Variants in CACNA1B observed in about 807,000 individuals in gnomAD.
CACNA1B encodes calcium voltage-gated channel subunit alpha1 B.
In CACNA1B, 70 loss-of-function variants were observed where a neutral mutation model predicts 247.2. That is an observed-to-expected ratio of 0.28 (90% CI 0.23 to 0.35). The LOEUF (loss-of-function observed/expected upper bound fraction) is 0.35, where lower values mean the gene tolerates loss of function less well. Ranked by LOEUF, CACNA1B falls within the 10% of genes least tolerant of loss-of-function variation. The probability of loss-of-function intolerance (pLI) is 1.00; values close to 1 mark genes in which losing one functional copy is unlikely to be tolerated. For missense variants in CACNA1B, 2,367 were observed against 3,197.4 expected, an observed-to-expected ratio of 0.74 and a Z score of 6.26; for synonymous variants, 1,231 against 1,294.4, an observed-to-expected ratio of 0.95 and a Z score of 1.05.
rs1960168535 is a variant in CACNA1B at position 138,072,558 on chromosome 9, G to T, written c.4675-930G>T. Among the ~76,000 whole-genome samples, 1 of 152,254 alleles carries T rather than the reference G, an allele frequency of 6.6e-6. No individual in the cohort carries two copies. Among genetic ancestry groups the T allele is most frequent in the African/African-American group, 2.4e-5 (1 of 41,474 alleles). On this transcript the variant is annotated intron_variant, in intron 32 of 46. Transcript: ENST00000371372. The surrounding 1 kb of genome is among the most constrained non-coding windows in gnomAD (Gnocchi z 4.5). ...TTGCATATTTTAAAATGCTGCAGTG[G>T]CAGGAAGCTGCTCTCAGGCTGTGTG... is the stretch of plus-strand genomic sequence containing the variant.
rs541343383 is a variant in CACNA1B, at chr9:138,062,072, G to A, written c.4668+2335G>A. The stretch of plus-strand genomic sequence containing the variant: ...GTGAGCATTGGTTTGCAAAACAAAG[G>A]CCTGTACCCCATGCCTGTTCCCAAG... On this transcript the variant is annotated intron_variant, in intron 31 of 46. Transcript: ENST00000371372. 1.1e-4 allele frequency among the ~76,000 whole-genome samples: 16 copies of A among 152,262 alleles called. No individual in the cohort carries two copies. The South Asian group carries it at 3.1e-3, about 30-fold the overall frequency.
intron 3 of CACNA1B, among the ~76,000 whole-genome samples, chr9:137,910,054 A>C (rs1474100929): frequency 6.6e-6 from 1 of 152,124 alleles, no homozygotes; most frequent in African/African-American, 2.4e-5. Flanking sequence ...TACAGGTGTG[A>C]GCCACCGCGC....
At chr9:138,044,308 C>T (rs1589090592) in intron 21 of CACNA1B, among the ~76,000 whole-genome samples, 1 of 152,224 alleles carries the variant, frequency 6.6e-6, no homozygotes, top group Non-Finnish European at 1.5e-5. Context: ...GCTTTTCATG[C>T]ATTCATCATC....
chr9:138,058,797 C>G lies in CACNA1B; in HGVS notation c.4473+64C>G. 1 of 1,440,830 alleles carries G rather than the reference C, an allele frequency of 6.9e-7. No individual in the cohort carries two copies. Among genetic ancestry groups the G allele is most frequent in the South Asian group, 1.2e-5 (1 of 80,996 alleles). 89.3% of individuals were successfully genotyped at this position (1,440,830 alleles called of 1,614,324 possible). A position where few individuals can be genotyped will look rare whatever the true frequency, so the allele number is the denominator to read the frequency against. ...TAGGGATTGGGATCTAACCCTGAGG[C>G]TGAGTGGAGAGTCAGCCTTCTTCCT... On this transcript the variant is annotated intron_variant, in intron 29 of 46. Coordinates refer to ENST00000371372, the MANE Select transcript of CACNA1B (RefSeq NM_000718.4). This position sits in a 1 kb window ranked among gnomAD's most constrained non-coding sequence, Gnocchi z 4.7.
At chr9:137,949,070 G>C (rs1349028975) in intron 6 of CACNA1B, among the ~76,000 whole-genome samples, 2 of 81,940 alleles carry the variant, frequency 2.4e-5, no homozygotes, top group Non-Finnish European at 5.2e-5. Flanking sequence ...TATGTGTGTA[G>C]TGTGTGTGGT....
chr9:138,101,856 C>T (rs1354168744), intron 37 of CACNA1B, among the ~76,000 whole-genome samples: 1 of 152,254 alleles, frequency 6.6e-6, no homozygotes, highest in Non-Finnish European at 1.5e-5. Flanking sequence ...CCCAAGCCCA[C>T]AGGCAGGTGT....
intron 22 of CACNA1B, among the ~76,000 whole-genome samples, 161 bp from the exon 23 acceptor site, chr9:138,047,238 C>T (rs1019238544): frequency 2.0e-5 from 3 of 152,202 alleles, no homozygotes; most frequent in Admixed American, 6.5e-5. Context: ...TGTTCCCAGA[C>T]GGTGCTTGTC....
chr9:137,884,600 A>G (rs557352217), intron 3 of CACNA1B, among the ~76,000 whole-genome samples: 1 of 148,872 alleles, frequency 6.7e-6, no homozygotes, highest in African/African-American at 2.5e-5. Context: ...GGAGGTCCCT[A>G]GAGCCTCACT....
Position 137,919,621 on chromosome 9 carries a change from G to A in CACNA1B, c.966+2190G>A, listed in dbSNP as rs1445331167. On this transcript the variant is annotated intron_variant, in intron 6 of 46. Coordinates refer to ENST00000371372, the MANE Select transcript of CACNA1B (RefSeq NM_000718.4). The surrounding 1 kb of genome is among the most constrained non-coding windows in gnomAD (Gnocchi z 4.6). ...CCCCTCACCTCCAACCCAGTGAGAGGGACTTTTGTGGCCCCTCGGATATAC... is the reference window on the plus strand; with the variant it reads ...CCCCTCACCTCCAACCCAGTGAGAGAGACTTTTGTGGCCCCTCGGATATAC... Among the ~76,000 whole-genome samples the A allele has an allele frequency of 1.3e-5, 2 of 152,238 alleles. No individual in the cohort carries two copies. Among genetic ancestry groups the A allele is most frequent in the Non-Finnish European group, 2.9e-5 (2 of 68,042 alleles).
chr9:138,079,320 A>G (rs1303067478), intron 36 of CACNA1B, among the ~76,000 whole-genome samples: 5 of 152,192 alleles, frequency 3.3e-5, no homozygotes, highest in Admixed American at 2.6e-4. Context: ...GGAGGCAGAA[A>G]GGAGCACTAG....
chr9:137,925,845 C>T (rs1419839979), intron 6 of CACNA1B, among the ~76,000 whole-genome samples: 1 of 150,788 alleles, frequency 6.6e-6, no homozygotes, highest in Non-Finnish European at 1.5e-5. Context: ...CAGGTTCATG[C>T]CATTCTCCTA....
At chr9:137,930,732 C>T (rs966631331) in intron 6 of CACNA1B, among the ~76,000 whole-genome samples, 2 of 151,976 alleles carry the variant, frequency 1.3e-5, no homozygotes, top group Non-Finnish European at 2.9e-5. Flanking sequence ...CTTTTCAGTT[C>T]TGTCAGTTTC....
At chr9:137,978,610 G>C (rs940625172) in intron 12 of CACNA1B, among the ~76,000 whole-genome samples, 8 of 152,224 alleles carry the variant, frequency 5.3e-5, no homozygotes, top group Non-Finnish European at 1.0e-4. Context: ...CCAGAGAGGG[G>C]CCTGGACCGT....
Position 138,120,324 on chromosome 9 carries a change from C to T in CACNA1B, c.6190C>T (p.Gln2064Ter). ...CTGCCACCGCCGCAGGGACAGGAAG[C>T]AGAGGTCCCTGGAGAAGGGGCCCAG... The part of the protein sequence containing the change: ...HRCHRRRDRK[Q>*]RSLEKGPSLS... Residue 2064 changes from glutamine to a stop codon, truncating the protein, a stop_gained, in exon 45 of 47, where the codon CAG (glutamine) becomes TAG (stop). Transcript: ENST00000371372. LOFTEE classifies it high-confidence loss of function. The T allele has an allele frequency of 1.3e-6, 2 of 1,563,860 alleles. No homozygotes were observed. The highest frequency in any genetic ancestry group is 8.6e-7 in the Non-Finnish European group (1 of 1,159,828).
At chr9:138,115,343 C>G (rs946621984) in intron 41 of CACNA1B, among the ~76,000 whole-genome samples, 13 of 152,182 alleles carry the variant, frequency 8.5e-5, no homozygotes, top group African/African-American at 3.1e-4. Context: ...CTGTAAGGGT[C>G]CCCTGGCTTG....
rs374810830 is a variant in CACNA1B at position 138,114,480 on chromosome 9, G to T, written c.5639G>T (p.Gly1880Val). 1.3e-5 allele frequency: 21 copies of T among 1,559,382 alleles called. No individual in the cohort carries two copies. The African/African-American group carries it at 2.6e-4, about 19-fold the overall frequency. The change falls in exon 41 of 47, where the codon GGC (glycine) becomes GTC (valine). Residue 1880 changes from glycine (G) to valine (V), a missense_variant. Physicochemically the swap from Gly to Val is moderately radical, Grantham distance 109. This residue lies in a region of CACNA1B where 773 missense variants were observed against 779.4 expected (regional missense o/e 0.99). Transcript: ENST00000371372. ...GACCAGATGCAGCAGGCTCCTGGAGGCCTCTCCCAGGTAGCTGGCGGCCCT... is the reference window on the plus strand; with the variant it reads ...GACCAGATGCAGCAGGCTCCTGGAGTCCTCTCCCAGGTAGCTGGCGGCCCT... ...TRDQMQQAPG[G>V]LSQMGPVSLF...
intron 10 of CACNA1B, among the ~76,000 whole-genome samples, chr9:137,959,476 T>C (rs1957985790): frequency 6.6e-6 from 1 of 152,184 alleles, no homozygotes; most frequent in Non-Finnish European, 1.5e-5. Flanking sequence ...GTAAAATGAA[T>C]TGAAGAGTTA....
chr9:137,969,833 G>A (rs1958124260), intron 10 of CACNA1B, among the ~76,000 whole-genome samples: 1 of 152,162 alleles, frequency 6.6e-6, no homozygotes, highest in Admixed American at 6.5e-5. Flanking sequence ...CTCTGCCTGT[G>A]TGTGTGCCCC....
At position 137,878,341 on chromosome 9, in the gene CACNA1B, G is replaced by C. The variant is rs11137290; in HGVS notation, c.284+124G>C. On this transcript the variant is annotated intron_variant, in intron 1 of 46. Coordinates refer to ENST00000371372, the MANE Select transcript of CACNA1B (RefSeq NM_000718.4). The stretch of plus-strand genomic sequence containing the variant: ...GAGGCGTCGGGAGACGGGCGAGGGG[G>C]GTACGGAGCGCCCCAGGGCCCCTCG... 426,901 of 850,506 alleles carry C rather than the reference G, an allele frequency of 0.5. 109,804 individuals carry two copies. Among genetic ancestry groups the C allele is most frequent in the African/African-American group, 0.73 (41,499 of 56,568 alleles). The allele number at this position is 850,506 out of a possible 1,614,324, so 52.7% of individuals were successfully genotyped here.
Sources: gnomAD v4.1 joint callset for allele counts (sites outside exome capture counted in the v4.1 genomes callset) on GRCh38, gnomAD v4.1.1 for gene constraint, gnomAD v4.1.1 regional missense constraint, Gnocchi (gnomAD v3.1) non-coding constraint, MANE v1.5 for transcripts, NCBI Gene and HGNC (gene_info 2026-07-23, HGNC 2026-07-21) for gene names.